The following CDH13 variants were observed in gnomAD, a reference collection of about 807,000 sequenced individuals.
CDH13 encodes the protein cadherin-13.
Under a neutral mutation model 63.8 loss-of-function variants are expected in CDH13, and 24 were observed. The observed-to-expected ratio is 0.38, with a 90% CI of 0.27 to 0.53. The LOEUF is 0.53. Among genes scored for constraint, CDH13 ranks in the 20% least tolerant of loss-of-function variants. CDH13 has a pLI of 0.85. For missense variants in CDH13, 1,049 were observed against 903.1 expected (o/e 1.16, Z -2.07); for synonymous variants, 503 against 355.3 (o/e 1.42, Z -4.67).
At chr16:82,950,641 A>G (rs1905197033) in intron 2 of CDH13, among the ~76,000 whole-genome samples, 1 of 152,124 alleles carries the variant, frequency 6.6e-6, no homozygotes, top group South Asian at 2.1e-4. Flanking sequence ...AGTCCATTAA[A>G]CATCTTTTTC....
At chr16:82,708,396 G>A (rs917323385) in intron 1 of CDH13, among the ~76,000 whole-genome samples, 2 of 152,200 alleles carry the variant, frequency 1.3e-5, no homozygotes, top group Admixed American at 6.5e-5. Context: ...AGGCATCAGA[G>A]TGCAGGAGCC....
intron 2 of CDH13, among the ~76,000 whole-genome samples, chr16:82,902,847 C>T (rs760182918): frequency 6.6e-6 from 1 of 152,080 alleles, no homozygotes; most frequent in Non-Finnish European, 1.5e-5. Flanking sequence ...GAGGGTTCAT[C>T]CAATATAAAC....
intron 6 of CDH13, among the ~76,000 whole-genome samples, chr16:83,350,360 G>C (rs1159695130): frequency 6.6e-6 from 1 of 152,216 alleles, no homozygotes; most frequent in Non-Finnish European, 1.5e-5. Flanking sequence ...CAAACTGCAT[G>C]ACTGACAAAG....
At chr16:83,444,744 T>G (rs781120805) in intron 6 of CDH13, among the ~76,000 whole-genome samples, 11 of 94,850 alleles carry the variant, frequency 1.2e-4, no homozygotes, top group Non-Finnish European at 2.2e-4. Flanking sequence ...GAAACCAGCT[T>G]AAATCTCTGA....
intron 1 of CDH13, among the ~76,000 whole-genome samples, chr16:82,661,516 A>G (rs1024041426): frequency 5.9e-5 from 9 of 152,326 alleles, no homozygotes; most frequent in South Asian, 2.1e-4. Flanking sequence ...CAAGCAGGGA[A>G]TTAGCGCAGG....
intron 3 of CDH13, among the ~76,000 whole-genome samples, chr16:83,102,991 C>T (rs1396726448): frequency 2.1e-5 from 2 of 94,492 alleles, no homozygotes; most frequent in African/African-American, 4.8e-5. Context: ...CCTGCTCTGT[C>T]ACCCAGGTTG....
chr16:83,073,521 G>C (rs775030666), intron 3 of CDH13, among the ~76,000 whole-genome samples: 1 of 152,102 alleles, frequency 6.6e-6, no homozygotes, highest in Non-Finnish European at 1.5e-5. Flanking sequence ...ATGGCGATGA[G>C]AATTCCCCAC....
intron 6 of CDH13, among the ~76,000 whole-genome samples, chr16:83,369,567 C>T (rs995468730): frequency 3.3e-5 from 5 of 152,096 alleles, no homozygotes; most frequent in African/African-American, 1.2e-4. Flanking sequence ...TACAGGTGTG[C>T]ACCACCAGGC....
At chr16:83,412,860 A>T (rs1485622068) in intron 6 of CDH13, among the ~76,000 whole-genome samples, 2 of 152,248 alleles carry the variant, frequency 1.3e-5, no homozygotes, top group Non-Finnish European at 2.9e-5. Flanking sequence ...TTCCCAGAAC[A>T]GTAAACAGTG....
chr16:83,295,111 T>C (rs1394326601), intron 5 of CDH13, among the ~76,000 whole-genome samples: 6 of 152,022 alleles, frequency 3.9e-5, no homozygotes, highest in Non-Finnish European at 7.4e-5. Context: ...AGCATAGTTA[T>C]CAAGAACACA....
intron 1 of CDH13, among the ~76,000 whole-genome samples, chr16:82,750,720 A>T (rs182714548): frequency 1.2e-4 from 18 of 152,334 alleles, no homozygotes; most frequent in Middle Eastern, 3.4e-3. Context: ...GTAAGGAGAA[A>T]TTCTCTAAGT....
intron 5 of CDH13, among the ~76,000 whole-genome samples, chr16:83,344,471 G>C (rs751356408): frequency 1.3e-5 from 2 of 152,060 alleles, no homozygotes; most frequent in East Asian, 3.8e-4. Flanking sequence ...TAATGTACTT[G>C]GTTCATAACT....
chr16:82,925,762 G>C (rs992850426), intron 2 of CDH13, among the ~76,000 whole-genome samples: 7 of 152,052 alleles, frequency 4.6e-5, no homozygotes, highest in African/African-American at 1.7e-4. Context: ...GCTAGCTCTC[G>C]CACCCTCTCT....
At chr16:83,337,780 G>T (rs1304860738) in intron 5 of CDH13, among the ~76,000 whole-genome samples, 2 of 151,856 alleles carry the variant, frequency 1.3e-5, no homozygotes, top group African/African-American at 4.8e-5. Context: ...GTGGTTTAAT[G>T]TGTAGCTTCA....
intron 6 of CDH13, among the ~76,000 whole-genome samples, chr16:83,368,884 T>TTATATATATATATA (rs150563585): frequency 4.2e-5 from 2 of 47,694 alleles, no homozygotes; most frequent in Non-Finnish European, 1.1e-4. Context: ...GTATTCCATG[T>TTATATATATATATA]TATATATATA....
At chr16:83,199,178 C>A (rs372085928) in intron 4 of CDH13, among the ~76,000 whole-genome samples, 5 of 152,336 alleles carry the variant, frequency 3.3e-5, no homozygotes, top group African/African-American at 1.2e-4. Context: ...ATGCATGGGC[C>A]AGGGACGTGC....
chr16:83,496,496 T>C (rs9674104), intron 7 of CDH13, among the ~76,000 whole-genome samples: 116,340 of 150,978 alleles, frequency 0.77, 44,831 homozygotes, highest in East Asian at 0.88. Context: ...TTACACCTTA[T>C]ACAAAAATCA....
intron 1 of CDH13, among the ~76,000 whole-genome samples, chr16:82,671,483 C>T (rs769480735): frequency 6.6e-6 from 1 of 152,178 alleles, no homozygotes; most frequent in Admixed American, 6.5e-5. Context: ...CCAAATATTT[C>T]AAAATCAGTT....
At chr16:83,010,938 G>C (rs1914090426) in intron 2 of CDH13, among the ~76,000 whole-genome samples, 1 of 152,132 alleles carries the variant, frequency 6.6e-6, no homozygotes. Flanking sequence ...AAACCAGATG[G>C]CTCCTTCTTT....
Sources: gnomAD v4.1 joint callset for allele counts (sites outside exome capture counted in the v4.1 genomes callset) on GRCh38, gnomAD v4.1.1 for gene constraint, MANE v1.5 for transcripts, NCBI Gene and HGNC (gene_info 2026-07-23, HGNC 2026-07-21) for gene names.